The following RIPOR3 variants were observed in gnomAD, a reference collection of about 807,000 sequenced individuals.
The protein encoded by RIPOR3 is RIPOR family member 3.
A neutral mutation model predicts 114.3 loss-of-function variants in RIPOR3; 95 were observed. That is an observed-to-expected ratio of 0.83 (90% CI 0.70 to 0.99). RIPOR3 has a LOEUF of 0.99. Among genes scored for constraint, RIPOR3 ranks in the 50% least tolerant of loss-of-function variants. The pLI, the probability that RIPOR3 is intolerant of heterozygous loss-of-function variation, is 0.00. For missense variants in RIPOR3, 1,252 were observed against 1,266.9 expected (o/e 0.99, Z 0.18); for synonymous variants, 575 against 543.8 (o/e 1.06, Z -0.80).
chr20:50,598,322 C>T lies in RIPOR3; in HGVS notation c.1660-612G>A, dbSNP rs146113540. On this transcript the variant is annotated intron_variant, in intron 13 of 21. Transcript: ENST00000327979. The stretch of plus-strand genomic sequence containing the variant: ...CCCGCCACTGGTCAAGTCACCAGAG[C>T]CTCCAGTGCCAGCTCCCTCCCTGGA... Among the ~76,000 whole-genome samples, 38 of 152,164 alleles carry T rather than the reference C, an allele frequency of 2.5e-4. No homozygotes were observed. The East Asian group carries it at 6.8e-3, about 27-fold the overall frequency.
At position 50,608,433 on chromosome 20, in the gene RIPOR3, G is replaced by A; in HGVS notation, c.912C>T (p.Ile304=). Residue 304 remains isoleucine, a synonymous_variant, in exon 11 of 22, where the codon ATC becomes ATT. Coordinates refer to ENST00000327979, the MANE Select transcript of RIPOR3 (RefSeq NM_001290268.2). ...TTRPQVIVVD[I]TELGTIKLQL... ...GCAGCTTGATGGTACCCAACTCCGT[G>A]ATGTCCACCACGATGACCTGCGGCC... 6.2e-7 allele frequency: 1 copy of A among 1,614,024 alleles called. No individual in the cohort carries two copies. Among genetic ancestry groups the A allele is most frequent in the Non-Finnish European group, 8.5e-7 (1 of 1,179,958 alleles).
chr20:50,689,113 C>T (rs1364687471), intron 1 of RIPOR3, among the ~76,000 whole-genome samples: 2 of 152,132 alleles, frequency 1.3e-5, no homozygotes, highest in Non-Finnish European at 2.9e-5. Flanking sequence ...CCGCCTCCTC[C>T]AGTACCATCC....
At chr20:50,644,372 C>G (rs958747980) in intron 1 of RIPOR3, among the ~76,000 whole-genome samples, 1 of 152,166 alleles carries the variant, frequency 6.6e-6, no homozygotes, top group Non-Finnish European at 1.5e-5. Flanking sequence ...TGCACAGAAA[C>G]AAATTACCAC....
At chr20:50,645,419 T>G (rs541084390) in intron 1 of RIPOR3, 2 of 152,304 alleles carry the variant, frequency 1.3e-5, no homozygotes, top group Non-Finnish European at 2.9e-5. Flanking sequence ...CCTCTCCCAC[T>G]CCACCCAACA....
intron 2 of RIPOR3, among the ~76,000 whole-genome samples, chr20:50,624,438 C>G (rs1170448541): frequency 6.6e-6 from 1 of 152,234 alleles, no homozygotes; most frequent in Non-Finnish European, 1.5e-5. Flanking sequence ...TTCCATCCAC[C>G]TGGGGACCTT....
At chr20:50,587,468 T>A in intron 21 of RIPOR3, 136 bp from the exon 22 acceptor site, 1 of 714,952 alleles carries the variant, frequency 1.4e-6, no homozygotes, top group Non-Finnish European at 2.4e-6. Context: ...AGGGAGTATG[T>A]GCGGGAGCCC....
intron 1 of RIPOR3, among the ~76,000 whole-genome samples, chr20:50,648,592 A>C (rs1353608548): frequency 1.3e-5 from 2 of 152,014 alleles, no homozygotes; most frequent in Non-Finnish European, 2.9e-5. Context: ...CTACTACTAC[A>C]TTGTAATATA....
intron 6 of RIPOR3, among the ~76,000 whole-genome samples, chr20:50,609,980 A>ACCCCCCCTGCCTCCCCTG (rs1555846175): frequency 2.8e-4 from 15 of 52,738 alleles, no homozygotes; most frequent in Admixed American, 5.6e-4. Context: ...TGCCACCCCT[A>ACCCCCCCTGCCTCCCCTG]CCACCCCTGC....
intron 4 of RIPOR3, among the ~76,000 whole-genome samples, chr20:50,613,072 G>A (rs1185988573): frequency 6.6e-6 from 1 of 152,200 alleles, no homozygotes; most frequent in Non-Finnish European, 1.5e-5. Flanking sequence ...CACCCTGGGT[G>A]ACAGAGTAAG....
chr20:50,648,535 G>T (rs566558559), intron 1 of RIPOR3, among the ~76,000 whole-genome samples: 1 of 151,942 alleles, frequency 6.6e-6, no homozygotes, highest in African/African-American at 2.4e-5. Flanking sequence ...TTGGGTGGGT[G>T]GTTTTGGGGT....
At chr20:50,686,259 T>G (rs1236690928) in intron 1 of RIPOR3, among the ~76,000 whole-genome samples, 2 of 151,894 alleles carry the variant, frequency 1.3e-5, no homozygotes, top group East Asian at 4.0e-4. Flanking sequence ...GGTTTCACTG[T>G]GTTAGCCAGG....
chr20:50,589,980 G>C (rs2122856173), intron 19 of RIPOR3: 1 of 506,042 alleles, frequency 2.0e-6, no homozygotes, highest in East Asian at 3.4e-5. Context: ...AAAAACAGAT[G>C]CCAGGGCTAA....
intron 1 of RIPOR3, among the ~76,000 whole-genome samples, chr20:50,678,826 A>ATAAT (rs1196361190): frequency 6.6e-6 from 1 of 151,940 alleles, no homozygotes; most frequent in Non-Finnish European, 1.5e-5. Flanking sequence ...AGGAACCATT[A>ATAAT]TTATCTGTTT....
At chr20:50,640,908 C>CTTCTTTTTTT (rs1343760951) in intron 1 of RIPOR3, among the ~76,000 whole-genome samples, 1 of 134,504 alleles carries the variant, frequency 7.4e-6, no homozygotes, top group African/African-American at 2.7e-5. Flanking sequence ...ATATGCACTT[C>CTTCTTTTTTT]TTTTTTTTTT....
At chr20:50,660,584 A>G (rs1394612002) in intron 1 of RIPOR3, among the ~76,000 whole-genome samples, 1 of 152,022 alleles carries the variant, frequency 6.6e-6, no homozygotes, top group East Asian at 1.9e-4. Context: ...ACCTCCCACT[A>G]GGCCCCGCCT....
intron 20 of RIPOR3, among the ~76,000 whole-genome samples, chr20:50,589,073 C>T (rs1190747094): frequency 9.0e-6 from 1 of 111,328 alleles, no homozygotes; most frequent in Non-Finnish European, 1.7e-5. Flanking sequence ...CAGAACAAGA[C>T]TCCATCTCAA....
intron 1 of RIPOR3, among the ~76,000 whole-genome samples, chr20:50,642,874 C>A (rs1266418190): frequency 1.3e-5 from 2 of 152,068 alleles, no homozygotes; most frequent in African/African-American, 4.8e-5. Context: ...CATGGAGAAA[C>A]CCTGTCTCTA....
chr20:50,651,436 GC>G (rs2085605567), intron 1 of RIPOR3, among the ~76,000 whole-genome samples: 1 of 152,172 alleles, frequency 6.6e-6, no homozygotes, highest in African/African-American at 2.4e-5. Flanking sequence ...GTTTTAAGCT[GC>G]TGGGTCTGGG....
intron 13 of RIPOR3, among the ~76,000 whole-genome samples, chr20:50,599,154 G>C (rs2083405552): frequency 6.6e-6 from 1 of 152,158 alleles, no homozygotes; most frequent in African/African-American, 2.4e-5. Flanking sequence ...CACTCTGGGA[G>C]GCCGAGGCAG....
Sources: gnomAD v4.1 joint callset for allele counts (sites outside exome capture counted in the v4.1 genomes callset) on GRCh38, gnomAD v4.1.1 for gene constraint, MANE v1.5 for transcripts, NCBI Gene and HGNC (gene_info 2026-07-23, HGNC 2026-07-21) for gene names.